The following EFEMP1 variants were observed in gnomAD, a reference collection of about 807,000 sequenced individuals.
The protein encoded by EFEMP1 is EGF-like fibulin extracellular matrix protein 1.
EFEMP1 carries 18 observed loss-of-function variants against 65.7 expected under a neutral mutation model. That is an observed-to-expected ratio of 0.27 (90% CI 0.19 to 0.41). The LOEUF (loss-of-function observed/expected upper bound fraction) is 0.41, where lower values mean the gene tolerates loss of function less well. Among genes scored for constraint, EFEMP1 ranks in the 10% least tolerant of loss-of-function variants. The probability of loss-of-function intolerance (pLI) is 1.00; values close to 1 mark genes in which losing one functional copy is unlikely to be tolerated. For missense variants in EFEMP1, 469 were observed against 624.8 expected, an observed-to-expected ratio of 0.75 and a Z score of 2.66; for synonymous variants, 237 against 219.7, an observed-to-expected ratio of 1.08 and a Z score of -0.70.
At chr2:55,912,039 T>A (rs921756549) in intron 5 of EFEMP1, among the ~76,000 whole-genome samples, 11 of 152,168 alleles carry the variant, frequency 7.2e-5, no homozygotes. Flanking sequence ...TCAACTCTTA[T>A]CCATTTATAT....
rs1362079849 is a variant in EFEMP1 at position 55,877,624 on chromosome 2, A to G, written c.760+122T>C. 1 of 1,448,548 alleles carries G rather than the reference A, an allele frequency of 6.9e-7. No homozygotes were observed. The highest frequency in any genetic ancestry group is 9.6e-7 in the Non-Finnish European group (1 of 1,043,658). The allele number at this position is 1,448,548 out of a possible 1,614,324, so 89.7% of individuals were successfully genotyped here. ...TGGTTATTATCTTTTAAGCTTTATG[A>G]TTGCTGAAGGGAAGTCGATGGAAAC... On this transcript the variant is annotated intron_variant, in intron 7 of 11. Coordinates refer to ENST00000355426, the MANE Select transcript of EFEMP1 (RefSeq NM_001039348.3). This position sits in a 1 kb window ranked among gnomAD's most constrained non-coding sequence, Gnocchi z 4.5.
intron 5 of EFEMP1, among the ~76,000 whole-genome samples, chr2:55,899,244 T>G (rs1264211036): frequency 6.6e-6 from 1 of 152,210 alleles, no homozygotes; most frequent in African/African-American, 2.4e-5. Context: ...GTCTGTTGAC[T>G]TGAATTATTG....
chr2:55,890,066 C>CA (rs1246514147), intron 5 of EFEMP1, among the ~76,000 whole-genome samples: 1 of 151,644 alleles, frequency 6.6e-6, no homozygotes, highest in East Asian at 1.9e-4. Context: ...AAACAAAACC[C>CA]AAATATACTG....
rs905225701 is a variant in EFEMP1, at chr2:55,917,078, T to C, written c.517+587A>G. Among the ~76,000 whole-genome samples the C allele has an allele frequency of 2.0e-5, 3 of 152,198 alleles. No homozygotes were observed. The highest frequency in any genetic ancestry group is 4.8e-5 in the African/African-American group (2 of 41,440). On this transcript the variant is annotated intron_variant, in intron 5 of 11. Transcript: ENST00000355426. The surrounding 1 kb of genome is among the most constrained non-coding windows in gnomAD (Gnocchi z 6.3). Reference sequence around the variant, plus strand: ...ATGAGAAGCAGGAGCCCCATTTCTTTACTCCTGAATGAGGAAAATAAGTCT... The same window carrying C: ...ATGAGAAGCAGGAGCCCCATTTCTTCACTCCTGAATGAGGAAAATAAGTCT...
Position 55,870,162 on chromosome 2 carries a change from G to A in EFEMP1, c.1320+558C>T, listed in dbSNP as rs1668744993. ...ACTACTGACACATACTGTGCGGGGA[G>A]GTGGGGTCACTTCTCACATACTTAT... is the stretch of plus-strand genomic sequence containing the variant. On this transcript the variant is annotated intron_variant, in intron 11 of 11. Coordinates refer to ENST00000355426, the MANE Select transcript of EFEMP1 (RefSeq NM_001039348.3). This position sits in a 1 kb window ranked among gnomAD's most constrained non-coding sequence, Gnocchi z 5.8. 1.3e-5 allele frequency among the ~76,000 whole-genome samples: 2 copies of A among 152,056 alleles called. No homozygotes were observed. The highest frequency in any genetic ancestry group is 2.9e-5 in the Non-Finnish European group (2 of 68,008).
chr2:55,922,258 C>T lies in EFEMP1; in HGVS notation c.81+102G>A. On this transcript the variant is annotated intron_variant, in intron 3 of 11. Transcript: ENST00000355426. The surrounding 1 kb of genome is among the most constrained non-coding windows in gnomAD (Gnocchi z 5.5). ...GAAGTGTTGTTTAATTTATCACCCTCAGCAGAGTATAGCCCAAATACACTG... is the reference window on the plus strand; with the variant it reads ...GAAGTGTTGTTTAATTTATCACCCTTAGCAGAGTATAGCCCAAATACACTG... 1 of 1,063,860 alleles carries T rather than the reference C, an allele frequency of 9.4e-7. No individual in the cohort carries two copies. The highest frequency in any genetic ancestry group is 1.5e-6 in the Non-Finnish European group (1 of 686,040). The allele number at this position is 1,063,860 out of a possible 1,614,324, so 65.9% of individuals were successfully genotyped here.
intron 5 of EFEMP1, among the ~76,000 whole-genome samples, chr2:55,893,121 C>T (rs988290003): frequency 3.3e-5 from 5 of 152,188 alleles, no homozygotes; most frequent in African/African-American, 9.6e-5. Context: ...TAAGGGGGTA[C>T]CCTGTCAGTG....
intron 6 of EFEMP1, among the ~76,000 whole-genome samples, chr2:55,878,792 T>A (rs549866790): frequency 3.2e-4 from 49 of 152,274 alleles, no homozygotes; most frequent in Admixed American, 1.3e-3. Flanking sequence ...ACTAGCTTGG[T>A]CTTAACTTCT....
Position 55,877,616 on chromosome 2 carries a change from G to A in EFEMP1, c.760+130C>T. ...ACACAGATTGGTTATTATCTTTTAA[G>A]CTTTATGATTGCTGAAGGGAAGTCG... On this transcript the variant is annotated intron_variant, in intron 7 of 11. Coordinates refer to ENST00000355426, the MANE Select transcript of EFEMP1 (RefSeq NM_001039348.3). This position sits in a 1 kb window ranked among gnomAD's most constrained non-coding sequence, Gnocchi z 4.5. 1 of 1,406,138 alleles carries A rather than the reference G, an allele frequency of 7.1e-7. No homozygotes were observed. Among genetic ancestry groups the A allele is most frequent in the South Asian group, 1.2e-5 (1 of 83,462 alleles). The allele number at this position is 1,406,138 out of a possible 1,614,324, so 87.1% of individuals were successfully genotyped here.
chr2:55,870,873 C>T lies in EFEMP1; in HGVS notation c.1167G>A (p.Leu389=). Residue 389 remains leucine, a synonymous_variant, in exon 11 of 12, where the codon CTG becomes CTA. Coordinates refer to ENST00000355426, the MANE Select transcript of EFEMP1 (RefSeq NM_001039348.3). The surrounding 1 kb of genome is among the most constrained non-coding windows in gnomAD (Gnocchi z 5.8). ...CPVSNAMCRE[L]PQSIVYKYMS... is the part of the protein sequence containing the mutation. ...TGTATTTGTAGACTATTGACTGGGG[C>T]AGTTCTCGGCACATGGCATTTGAGA... The T allele has an allele frequency of 6.2e-7, 1 of 1,613,694 alleles. No individual in the cohort carries two copies. Among genetic ancestry groups the T allele is most frequent in the South Asian group, 1.1e-5 (1 of 91,060 alleles).
chr2:55,887,412 GCT>G (rs1386036722), intron 5 of EFEMP1, among the ~76,000 whole-genome samples: 5 of 152,040 alleles, frequency 3.3e-5, no homozygotes, highest in African/African-American at 1.2e-4. Flanking sequence ...AACATTCATA[GCT>G]CTCCAAGTTT....
rs1670989527 is a variant in EFEMP1 at position 55,923,522 on chromosome 2, T to C, written c.-49+189A>G. On this transcript the variant is annotated intron_variant, in intron 1 of 11. Coordinates refer to ENST00000355426, the MANE Select transcript of EFEMP1 (RefSeq NM_001039348.3). This position sits in a 1 kb window ranked among gnomAD's most constrained non-coding sequence, Gnocchi z 5.3. Reference sequence around the variant, plus strand: ...ATCCCAACAGATGTCACCCGAGTACTCGCACTTGCTGACAGATCGCATTCC... The same window carrying C: ...ATCCCAACAGATGTCACCCGAGTACCCGCACTTGCTGACAGATCGCATTCC... Among the ~76,000 whole-genome samples the C allele has an allele frequency of 6.6e-6, 1 of 152,272 alleles. No homozygotes were observed. Among genetic ancestry groups the C allele is most frequent in the Non-Finnish European group, 1.5e-5 (1 of 68,016 alleles).
At chr2:55,891,503 A>T (rs1455387438) in intron 5 of EFEMP1, among the ~76,000 whole-genome samples, 1 of 152,106 alleles carries the variant, frequency 6.6e-6, no homozygotes, top group Non-Finnish European at 1.5e-5. Context: ...AATTGTGAGG[A>T]TTCAACAACA....
intron 5 of EFEMP1, among the ~76,000 whole-genome samples, chr2:55,889,982 A>G (rs768713111): frequency 1.1e-4 from 16 of 152,084 alleles, no homozygotes; most frequent in Non-Finnish European, 2.1e-4. Flanking sequence ...AAACCTAAAC[A>G]TATCAGTGGT....
chr2:55,922,308 T>A lies in EFEMP1; in HGVS notation c.81+52A>T. 1 of 1,573,890 alleles carries A rather than the reference T, an allele frequency of 6.4e-7. No individual in the cohort carries two copies. The highest frequency in any genetic ancestry group is 8.7e-7 in the Non-Finnish European group (1 of 1,143,936). On this transcript the variant is annotated intron_variant, in intron 3 of 11. Coordinates refer to ENST00000355426, the MANE Select transcript of EFEMP1 (RefSeq NM_001039348.3). This position sits in a 1 kb window ranked among gnomAD's most constrained non-coding sequence, Gnocchi z 5.5. ...GGCAGGGGTGTGTAAAGTCTTTTTT[T>A]GTCACAGAATCCCGCTGAACCGTAC...
chr2:55,878,253 T>G (rs914836510), intron 6 of EFEMP1, among the ~76,000 whole-genome samples: 12 of 152,220 alleles, frequency 7.9e-5, no homozygotes, highest in Non-Finnish European at 1.8e-4. Context: ...AGTTGTGGGC[T>G]GTGCTCAACT....
In EFEMP1 at chr2:55,886,972, A is replaced by C. The variant is rs1669444161; in HGVS notation, c.518-5238T>G. Among the ~76,000 whole-genome samples the C allele has an allele frequency of 6.6e-6, 1 of 152,156 alleles. No individual in the cohort carries two copies. The highest frequency in any genetic ancestry group is 2.4e-5 in the African/African-American group (1 of 41,454). On this transcript the variant is annotated intron_variant, in intron 5 of 11. Transcript: ENST00000355426. The surrounding 1 kb of genome is among the most constrained non-coding windows in gnomAD (Gnocchi z 4.0). The stretch of plus-strand genomic sequence containing the variant: ...AAAAAGTATATAATATTTTATACAG[A>C]TTCATATACAAACTTGGTAACATTC...
At chr2:55,880,038 T>TGTGTAAA (rs1669181650) in intron 6 of EFEMP1, among the ~76,000 whole-genome samples, 4 of 152,124 alleles carry the variant, frequency 2.6e-5, no homozygotes, top group Admixed American at 2.6e-4. Flanking sequence ...ATGTTTTTGT[T>TGTGTAAA]GTGTAAAGAG....
intron 5 of EFEMP1, among the ~76,000 whole-genome samples, chr2:55,913,868 G>A (rs1014854610): frequency 4.6e-5 from 7 of 152,108 alleles, no homozygotes; most frequent in South Asian, 2.1e-4. Context: ...AAATTAGCAG[G>A]GTGTGGTGGT....
Sources: gnomAD v4.1 joint callset for allele counts (sites outside exome capture counted in the v4.1 genomes callset) on GRCh38, gnomAD v4.1.1 for gene constraint, Gnocchi (gnomAD v3.1) non-coding constraint, MANE v1.5 for transcripts, NCBI Gene and HGNC (gene_info 2026-07-23, HGNC 2026-07-21) for gene names.